Variants in SIN3A observed in about 807,000 individuals in gnomAD.
SIN3A encodes SIN3 transcription regulator family member A.
A neutral mutation model predicts 146.1 loss-of-function variants in SIN3A; 14 were observed. The observed-to-expected ratio is 0.10, with a 90% confidence interval of 0.06 to 0.15. The LOEUF is 0.15. Among genes scored for constraint, SIN3A ranks in the 10% least tolerant of loss-of-function variants. The pLI is 1.00. For synonymous variants in SIN3A, 572 were observed against 572.0 expected (o/e 1.00, Z 0.00); for missense variants, 1,028 against 1,576.0 (o/e 0.65, Z 5.89).
chr15:75,385,439 T>C (rs528867027), intron 16 of SIN3A, among the ~76,000 whole-genome samples: 38 of 152,190 alleles, frequency 2.5e-4, no homozygotes, highest in Non-Finnish European at 4.6e-4. Context: ...CCAATCATGA[T>C]TGACTATCAG....
chr15:75,383,635 TCTC>T (rs1432216836), intron 17 of SIN3A, among the ~76,000 whole-genome samples: 1 of 151,928 alleles, frequency 6.6e-6, no homozygotes, highest in Non-Finnish European at 1.5e-5. Context: ...TTCACGCCAT[TCTC>T]CTGACTCAGC....
intron 19 of SIN3A, among the ~76,000 whole-genome samples, chr15:75,378,150 A>C (rs1375473928): frequency 6.6e-6 from 1 of 152,242 alleles, no homozygotes; most frequent in Non-Finnish European, 1.5e-5. Context: ...CAATTGCGTA[A>C]AGTTACAAAA....
At chr15:75,446,189 A>G (rs2074303836) in intron 1 of SIN3A, 1 of 152,006 alleles carries the variant, frequency 6.6e-6, no homozygotes, top group Admixed American at 6.6e-5. Context: ...AAGGCAAGGA[A>G]GAGTTTTTGA....
rs764937879 is a variant in SIN3A at position 75,392,328 on chromosome 15, C to T, written c.2765G>A (p.Arg922Gln). 1.2e-6 allele frequency: 2 copies of T among 1,614,222 alleles called. No homozygotes were observed. The highest frequency in any genetic ancestry group is 8.5e-7 in the Non-Finnish European group (1 of 1,180,040). ...QAERQIEEEN[R>Q]EREWEREVLG... Reference sequence around the variant, plus strand: ...CACTTCCCGTTCCCATTCTCTCTCTCGGTTTTCTTCTTCAATTTGCCGTTC... The same window carrying T: ...CACTTCCCGTTCCCATTCTCTCTCTTGGTTTTCTTCTTCAATTTGCCGTTC... The change falls in exon 15 of 21, where the codon CGA becomes CAA. Residue 922 changes from arginine (R) to glutamine (Q), a missense_variant. By Grantham distance (43) the Arg-to-Gln change is conservative (BLOSUM62 1). Transcript: ENST00000394947.
chr15:75,417,034 CTT>C (rs944514856), intron 3 of SIN3A, among the ~76,000 whole-genome samples: 2 of 140,744 alleles, frequency 1.4e-5, no homozygotes, highest in Admixed American at 7.1e-5. Flanking sequence ...TTTATAGTGG[CTT>C]TTTTTTTTTT....
intron 20 of SIN3A, among the ~76,000 whole-genome samples, chr15:75,372,838 A>AC (rs2072778779): frequency 6.6e-6 from 1 of 151,368 alleles, no homozygotes; most frequent in Admixed American, 6.6e-5. Context: ...AAAAAAAAAA[A>AC]AACCCAAAAC....
chr15:75,442,617 T>TAA (rs374599694), intron 1 of SIN3A, among the ~76,000 whole-genome samples: 2 of 123,100 alleles, frequency 1.6e-5, no homozygotes, highest in Admixed American at 8.5e-5. Flanking sequence ...ATCCCATCTT[T>TAA]AAAAAAAAAA....
intron 1 of SIN3A, among the ~76,000 whole-genome samples, chr15:75,435,136 G>T (rs892740866): frequency 3.3e-5 from 5 of 151,920 alleles, no homozygotes; most frequent in Admixed American, 1.3e-4. Context: ...GGAAAACTAT[G>T]TAAGAATCAG....
intron 9 of SIN3A, among the ~76,000 whole-genome samples, chr15:75,406,169 CCT>C (rs2073510980): frequency 6.6e-6 from 1 of 152,194 alleles, no homozygotes; most frequent in Non-Finnish European, 1.5e-5. Flanking sequence ...TGCCAGCTAC[CCT>C]GATGAAAGTT....
At chr15:75,449,205 C>T (rs2074358747) in intron 1 of SIN3A, among the ~76,000 whole-genome samples, 1 of 152,166 alleles carries the variant, frequency 6.6e-6, no homozygotes, top group African/African-American at 2.4e-5. Context: ...TTTTGTCTCC[C>T]CACCAATTCT....
chr15:75,444,838 T>A (rs2074276821), intron 1 of SIN3A, among the ~76,000 whole-genome samples: 2 of 152,224 alleles, frequency 1.3e-5, no homozygotes, highest in Admixed American at 6.5e-5. Flanking sequence ...AAAGATGCAC[T>A]TGGGGAATCT....
At chr15:75,400,283 C>T in intron 11 of SIN3A, 127 bp from the exon 12 acceptor site, 1 of 603,174 alleles carries the variant, frequency 1.7e-6, no homozygotes, top group Non-Finnish European at 3.0e-6. Flanking sequence ...CAAATTTCAC[C>T]TTTAGCAAGT....
chr15:75,370,027 A>ACAGCTTGAGGC lies in SIN3A; in HGVS notation c.*1941_*1951dup, dbSNP rs1475684778. 1 of 152,568 alleles carries ACAGCTTGAGGC rather than the reference A, an allele frequency of 6.6e-6. No homozygotes were observed. The highest frequency in any genetic ancestry group is 1.5e-5 in the Non-Finnish European group (1 of 68,330). 9.5% of individuals were successfully genotyped at this position (152,568 alleles called of 1,614,324 possible). On this transcript the variant is annotated 3_prime_UTR_variant, in exon 21 of 21. Coordinates refer to ENST00000394947, the MANE Select transcript of SIN3A (RefSeq NM_001145358.2). ...CACTTTGCGAGGCCGAGGTGGGAGG[A>ACAGCTTGAGGC]CAGCTTGAGGCCAGGAGTTTGAGAC... is the stretch of plus-strand genomic sequence containing the variant.
rs1409190262 is a variant in SIN3A, at chr15:75,376,901, T to C, written c.3384-1029A>G. 2.0e-5 allele frequency among the ~76,000 whole-genome samples: 3 copies of C among 149,614 alleles called. No homozygotes were observed. In the East Asian group the frequency reaches 5.8e-4, roughly 29 times the overall value. On this transcript the variant is annotated intron_variant, in intron 19 of 20. Coordinates refer to ENST00000394947, the MANE Select transcript of SIN3A (RefSeq NM_001145358.2). ...AAAAAAAACCAACCAGCCCAAAATA[T>C]TGCTTCAGTGAGAATCTTTGTATAC... is the stretch of plus-strand genomic sequence containing the variant.
intron 16 of SIN3A, among the ~76,000 whole-genome samples, chr15:75,387,273 G>T (rs530252839): frequency 6.6e-6 from 1 of 152,028 alleles, no homozygotes; most frequent in Non-Finnish European, 1.5e-5. Flanking sequence ...GCCCGTAATC[G>T]CAGCGCTTTG....
intron 9 of SIN3A, 151 bp downstream of exon 9, chr15:75,406,904 A>T (rs2073527032): frequency 5.5e-6 from 3 of 542,470 alleles, no homozygotes; most frequent in East Asian, 3.0e-5. Flanking sequence ...TAGTACTAGC[A>T]GACTCAAAGG....
rs115886100 is a variant in SIN3A, at chr15:75,410,044, C to A, written c.1162-53G>T. 2,118 of 1,607,314 alleles carry A rather than the reference C, an allele frequency of 1.3e-3. 20 individuals are homozygous for A. The African/African-American group carries it at 0.021, about 16-fold the overall frequency. ...TGCTCTTATCAAAGCAAACAAATAT[C>A]ATCTAGGAAAAGTCCCCTTCTGAGC... On this transcript the variant is annotated intron_variant, in intron 7 of 20. Coordinates refer to ENST00000394947, the MANE Select transcript of SIN3A (RefSeq NM_001145358.2).
chr15:75,389,668 T>C lies in SIN3A; in HGVS notation c.3005A>G (p.Gln1002Arg). The C allele has an allele frequency of 6.2e-7, 1 of 1,614,190 alleles. No individual in the cohort carries two copies. Among genetic ancestry groups the C allele is most frequent in the African/African-American group, 1.3e-5 (1 of 75,058 alleles). ...YIAFTMDKLI[Q>R]SIVRQLQHIV... ...TGCCCTCACCTGTCTGACAATGCTCTGGATCAGTTTGTCCATGGTAAAGGC... is the reference window on the plus strand; with the variant it reads ...TGCCCTCACCTGTCTGACAATGCTCCGGATCAGTTTGTCCATGGTAAAGGC... Residue 1002 changes from glutamine to arginine, a missense_variant, in exon 16 of 21, where the codon CAG becomes CGG. Gln to Arg is a conservative substitution (Grantham distance 43). Around this residue, in one of 9 missense-constraint regions of SIN3A, gnomAD observed 488 missense variants for 690.2 expected, o/e 0.71. Coordinates refer to ENST00000394947, the MANE Select transcript of SIN3A (RefSeq NM_001145358.2).
intron 5 of SIN3A, among the ~76,000 whole-genome samples, chr15:75,412,395 T>A (rs1397969346): frequency 3.3e-5 from 5 of 152,228 alleles, no homozygotes; most frequent in Admixed American, 1.3e-4. Flanking sequence ...GTTAGTGAAA[T>A]AACTTTCATA....
Sources: gnomAD v4.1 joint callset for allele counts (sites outside exome capture counted in the v4.1 genomes callset) on GRCh38, gnomAD v4.1.1 for gene constraint, gnomAD v4.1.1 regional missense constraint, MANE v1.5 for transcripts, NCBI Gene and HGNC (gene_info 2026-07-23, HGNC 2026-07-21) for gene names.